ATF7IP: variants seen among roughly 807,000 people sequenced by gnomAD.
ATF7IP encodes activating transcription factor 7 interacting protein.
A neutral mutation model predicts 106.4 loss-of-function variants in ATF7IP; 23 were observed. That is an observed-to-expected ratio of 0.22 (90% CI 0.16 to 0.31). The LOEUF (loss-of-function observed/expected upper bound fraction) is 0.31, where lower values mean the gene tolerates loss of function less well. Among genes scored for constraint, ATF7IP ranks in the 10% least tolerant of loss-of-function variants. The pLI, the probability that ATF7IP is intolerant of heterozygous loss-of-function variation, is 1.00. For synonymous variants in ATF7IP, 542 were observed against 539.0 expected (o/e 1.01, Z -0.08); for missense variants, 1,334 against 1,524.3 (o/e 0.88, Z 2.08).
intron 1 of ATF7IP, among the ~76,000 whole-genome samples, chr12:14,393,339 A>G (rs530242938): frequency 6.6e-6 from 1 of 152,278 alleles, no homozygotes; most frequent in African/African-American, 2.4e-5. Context: ...TTTTATGATC[A>G]GTATATGGTA....
chr12:14,490,688 A>G (rs1417075613), intron 13 of ATF7IP, among the ~76,000 whole-genome samples: 4 of 152,174 alleles, frequency 2.6e-5, no homozygotes, highest in East Asian at 3.9e-4. Flanking sequence ...GGGACTCCCC[A>G]TGAGGCCATT....
chr12:14,491,596 G>C (rs1944827903), intron 13 of ATF7IP, among the ~76,000 whole-genome samples: 1 of 152,202 alleles, frequency 6.6e-6, no homozygotes, highest in African/African-American at 2.4e-5. Context: ...AGGTCTCTCT[G>C]AATAAGATTA....
intron 1 of ATF7IP, chr12:14,408,451 T>C (rs546783565): frequency 6.6e-6 from 1 of 152,290 alleles, no homozygotes; most frequent in South Asian, 2.1e-4. Flanking sequence ...TGATGCTGCT[T>C]TTATTAGCCA....
chr12:14,424,925 A>G lies in ATF7IP; in HGVS notation c.1010A>G (p.Glu337Gly). 6.2e-7 allele frequency: 1 copy of G among 1,604,922 alleles called. No homozygotes were observed. The highest frequency in any genetic ancestry group is 1.7e-4 in the Middle Eastern group (1 of 5,992). ...ATTCAGAGTAAAGACTCATTGGATG[A>G]GAAAAATAAAGCTGATAATAATATT... is the stretch of plus-strand genomic sequence containing the variant. ...EQIQSKDSLD[E>G]KNKADNNIDA... is the part of the protein sequence containing the mutation. The change falls in exon 2 of 15, where the codon GAG (glutamate) becomes GGG (glycine). Residue 337 changes from glutamate (E) to glycine (G), a missense_variant. Glu to Gly is a moderately conservative substitution (Grantham distance 98). Coordinates refer to ENST00000261168, the MANE Select transcript of ATF7IP (RefSeq NM_018179.5).
chr12:14,415,012 C>CACTG (rs776759850), intron 1 of ATF7IP, among the ~76,000 whole-genome samples: 1 of 152,086 alleles, frequency 6.6e-6, no homozygotes, highest in Non-Finnish European at 1.5e-5. Context: ...TCAAGCAGTC[C>CACTG]ACTGCCTCAG....
chr12:14,407,311 C>T (rs1473769163), intron 1 of ATF7IP, among the ~76,000 whole-genome samples: 1 of 152,030 alleles, frequency 6.6e-6, no homozygotes, highest in Non-Finnish European at 1.5e-5. Flanking sequence ...GCTGTCAAAC[C>T]AGCCATTCAT....
At chr12:14,419,953 A>G (rs1343143798) in intron 1 of ATF7IP, 1 of 152,230 alleles carries the variant, frequency 6.6e-6, no homozygotes, top group Non-Finnish European at 1.5e-5. Context: ...CAGTCTAGAA[A>G]TTCTCTGACA....
chr12:14,483,647 C>G (rs370019502), intron 13 of ATF7IP, among the ~76,000 whole-genome samples: 2 of 152,072 alleles, frequency 1.3e-5, no homozygotes, highest in East Asian at 1.9e-4. Context: ...CCCCTGATTC[C>G]TGGACCCATG....
intron 1 of ATF7IP, among the ~76,000 whole-genome samples, chr12:14,396,943 C>G (rs957070818): frequency 5.3e-5 from 8 of 151,914 alleles, no homozygotes; most frequent in African/African-American, 1.9e-4. Context: ...GGTGAATCAC[C>G]TGAGGTCAGG....
At chr12:14,445,298 G>A (rs11835480) in intron 5 of ATF7IP, among the ~76,000 whole-genome samples, 1 of 151,432 alleles carries the variant, frequency 6.6e-6, no homozygotes, top group East Asian at 1.9e-4. Context: ...CCACCTATAT[G>A]ATTTGACTAA....
rs376680666 is a variant in ATF7IP at position 14,368,991 on chromosome 12, G to A, written c.-8+3164G>A. Among the ~76,000 whole-genome samples the A allele has an allele frequency of 1.4e-4, 21 of 151,100 alleles. No homozygotes were observed. The East Asian group carries it at 1.6e-3, about 11-fold the overall frequency. On this transcript the variant is annotated intron_variant, in intron 1 of 14. Transcript: ENST00000261168. Reference sequence around the variant, plus strand: ...TTGAGATAGGATCTTGCTCTGCTGCGCATGCTAAAGTGCAGTGGCAGTGAT... The same window carrying A: ...TTGAGATAGGATCTTGCTCTGCTGCACATGCTAAAGTGCAGTGGCAGTGAT...
intron 1 of ATF7IP, among the ~76,000 whole-genome samples, chr12:14,394,160 A>G (rs977447703): frequency 2.0e-5 from 3 of 152,212 alleles, no homozygotes; most frequent in African/African-American, 4.8e-5. Flanking sequence ...GAGCACATCT[A>G]CTTAATAATG....
chr12:14,400,421 A>C (rs1392331994), intron 1 of ATF7IP, among the ~76,000 whole-genome samples: 1 of 151,944 alleles, frequency 6.6e-6, no homozygotes, highest in Non-Finnish European at 1.5e-5. Context: ...AGATGATTTT[A>C]CTGAGGTAAG....
intron 1 of ATF7IP, among the ~76,000 whole-genome samples, chr12:14,410,659 T>C (rs1940862577): frequency 6.6e-6 from 1 of 152,200 alleles, no homozygotes; most frequent in African/African-American, 2.4e-5. Context: ...CTTATACTTC[T>C]GTGAAACGAA....
chr12:14,483,944 A>C (rs1218989302), intron 13 of ATF7IP, among the ~76,000 whole-genome samples: 1 of 152,170 alleles, frequency 6.6e-6, no homozygotes, highest in African/African-American at 2.4e-5. Flanking sequence ...TGGATAAGGC[A>C]TTCTGTGAGT....
At chr12:14,368,883 T>A (rs1399712321) in intron 1 of ATF7IP, among the ~76,000 whole-genome samples, 1 of 152,112 alleles carries the variant, frequency 6.6e-6, no homozygotes, top group African/African-American at 2.4e-5. Flanking sequence ...ATTTTAAAAT[T>A]ACCTTTTAAG....
chr12:14,430,228 G>C (rs948279050), intron 2 of ATF7IP, among the ~76,000 whole-genome samples: 4 of 152,134 alleles, frequency 2.6e-5, no homozygotes, highest in Non-Finnish European at 5.9e-5. Flanking sequence ...GTTTTGAGGA[G>C]GGAATAAGGT....
intron 2 of ATF7IP, among the ~76,000 whole-genome samples, chr12:14,432,269 G>T (rs114687603): frequency 6.6e-6 from 1 of 152,194 alleles, no homozygotes; most frequent in Admixed American, 6.5e-5. Context: ...TTCATCTCAA[G>T]CATCCCAGTT....
rs556298909 is a variant in ATF7IP at position 14,425,426 on chromosome 12, A to T, written c.1511A>T (p.Glu504Val). 2 of 1,595,238 alleles carry T rather than the reference A, an allele frequency of 1.3e-6. No individual in the cohort carries two copies. The highest frequency in any genetic ancestry group is 2.7e-5 in the African/African-American group (2 of 73,880). Residue 504 changes from glutamate (E) to valine (V), a missense_variant, in exon 2 of 15, where the codon GAA (glutamate) becomes GTA (valine). Glu to Val is a moderately radical substitution (Grantham distance 121). Coordinates refer to ENST00000261168, the MANE Select transcript of ATF7IP (RefSeq NM_018179.5). ...VLSDEEDISG[E>V]KDESEVISQN... ...TCTGATGAAGAGGATATTTCGGGTG[A>T]AAAAGATGAGTCTGAAGTTATATCG...
Sources: gnomAD v4.1 joint callset for allele counts (sites outside exome capture counted in the v4.1 genomes callset) on GRCh38, gnomAD v4.1.1 for gene constraint, MANE v1.5 for transcripts, NCBI Gene and HGNC (gene_info 2026-07-23, HGNC 2026-07-21) for gene names.